WASHC3: variants seen among roughly 807,000 people sequenced by gnomAD.
WASHC3 encodes the protein WASH complex subunit 3, also known as WASH complex subunit CCDC53.
WASHC3 carries 24 observed loss-of-function variants against 26.1 expected under a neutral mutation model. The ratio of observed to expected loss-of-function variants is 0.92; its 90% confidence interval spans 0.66 to 1.29. The LOEUF (loss-of-function observed/expected upper bound fraction) is 1.29, where lower values mean the gene tolerates loss of function less well. Among genes scored for constraint, WASHC3 ranks in the 50% most tolerant of loss-of-function variants. WASHC3 has a pLI of 0.00. For synonymous variants in WASHC3, 77 were observed against 75.7 expected, an observed-to-expected ratio of 1.02 and a Z score of -0.09; for missense variants, 214 against 229.6, an observed-to-expected ratio of 0.93 and a Z score of 0.44.
At chr12:102,034,807 TGTGTGTGTGA>T (rs1221668736) in intron 5 of WASHC3, among the ~76,000 whole-genome samples, 2 of 151,794 alleles carry the variant, frequency 1.3e-5, no homozygotes, top group African/African-American at 2.4e-5. Context: ...TGTGTGTGTG[TGTGTGTGTGA>T]GTATGTAAAT....
intron 3 of WASHC3, 41 bp downstream of exon 3, chr12:102,046,013 C>T: frequency 1.7e-6 from 2 of 1,175,452 alleles, no homozygotes; most frequent in Non-Finnish European, 2.5e-6. Context: ...CTGGTATATG[C>T]ACAGCAAAGT....
intron 2 of WASHC3, chr12:102,050,669 T>A: frequency 2.3e-6 from 1 of 430,238 alleles, no homozygotes; most frequent in Non-Finnish European, 4.6e-6. Flanking sequence ...AAAAAAAAAT[T>A]ATTAAACAAA....
At chr12:102,026,254 A>G (rs962678609) in intron 5 of WASHC3, among the ~76,000 whole-genome samples, 1 of 152,130 alleles carries the variant, frequency 6.6e-6, no homozygotes. Flanking sequence ...ATAAGCCCAA[A>G]TTACATCATT....
chr12:102,046,185 C>A, intron 2 of WASHC3, 66 bp from the exon 3 acceptor site: 1 of 853,006 alleles, frequency 1.2e-6, no homozygotes, highest in Non-Finnish European at 1.9e-6. Context: ...TAACTAAGGG[C>A]AGATATGAAA....
chr12:102,043,568 C>T (rs1186727936), intron 4 of WASHC3: 1 of 152,116 alleles, frequency 6.6e-6, no homozygotes, highest in East Asian at 1.9e-4. Context: ...TGCACCTGGC[C>T]AATTATTGTT....
intron 6 of WASHC3, 145 bp from the exon 7 acceptor site, chr12:102,013,337 G>A (rs1460378987): frequency 1.0e-5 from 6 of 592,108 alleles, no homozygotes; most frequent in East Asian, 8.6e-5. Flanking sequence ...ACACCACAGC[G>A]TGCTTCTCTC....
intron 5 of WASHC3, among the ~76,000 whole-genome samples, chr12:102,034,154 C>T (rs998311918): frequency 6.6e-6 from 1 of 152,082 alleles, no homozygotes; most frequent in Non-Finnish European, 1.5e-5. Flanking sequence ...GCTTTTTTAT[C>T]TATATCCCCC....
intron 6 of WASHC3, among the ~76,000 whole-genome samples, chr12:102,014,075 C>CTTTTTTT (rs1189181874): frequency 1.8e-4 from 16 of 88,726 alleles, no homozygotes; most frequent in Admixed American, 2.9e-4. Context: ...ACTGCTACAT[C>CTTTTTTT]TTTTTTTTTT....
intron 5 of WASHC3, among the ~76,000 whole-genome samples, chr12:102,036,939 A>G (rs1430007001): frequency 6.6e-6 from 1 of 152,224 alleles, no homozygotes; most frequent in Admixed American, 6.5e-5. Context: ...TTTAAAAATA[A>G]AACAACTATT....
chr12:102,024,022 G>C (rs1259796214), intron 6 of WASHC3, among the ~76,000 whole-genome samples: 3 of 152,088 alleles, frequency 2.0e-5, no homozygotes, highest in Non-Finnish European at 4.4e-5. Flanking sequence ...TAATAGGTTA[G>C]CCAGGCCAGT....
chr12:102,038,510 A>G (rs927001106), intron 5 of WASHC3, among the ~76,000 whole-genome samples: 14 of 152,316 alleles, frequency 9.2e-5, no homozygotes, highest in Middle Eastern at 6.8e-3. Context: ...CTTTTGTTTA[A>G]AAGAGTGAAA....
At chr12:102,042,227 C>T (rs908805397) in intron 4 of WASHC3, among the ~76,000 whole-genome samples, 5 of 152,010 alleles carry the variant, frequency 3.3e-5, no homozygotes, top group African/African-American at 1.2e-4. Context: ...ATCTGGATAT[C>T]CTCTTGCACA....
intron 2 of WASHC3, among the ~76,000 whole-genome samples, chr12:102,058,722 A>C (rs1004028671): frequency 2.6e-5 from 4 of 152,176 alleles, no homozygotes; most frequent in African/African-American, 9.6e-5. Flanking sequence ...AAAGGATGTA[A>C]AATTAGTACA....
chr12:102,054,617 C>A (rs1565821691), intron 2 of WASHC3, among the ~76,000 whole-genome samples: 1 of 152,148 alleles, frequency 6.6e-6, no homozygotes, highest in African/African-American at 2.4e-5. Flanking sequence ...AATACACATT[C>A]TTCTCAAGGG....
intron 2 of WASHC3, among the ~76,000 whole-genome samples, chr12:102,056,706 G>T (rs571622571): frequency 1.3e-5 from 2 of 152,182 alleles, no homozygotes; most frequent in South Asian, 4.2e-4. Flanking sequence ...AACCTATCAA[G>T]ACTAAATCAT....
At position 102,046,137 on chromosome 12, in the gene WASHC3, G is replaced by T; in HGVS notation, c.151-18C>A. The T allele has an allele frequency of 6.9e-7, 1 of 1,439,816 alleles. No homozygotes were observed. The highest frequency in any genetic ancestry group is 1.2e-5 in the South Asian group (1 of 82,362). The allele number at this position is 1,439,816 out of a possible 1,614,324, so 89.2% of individuals were successfully genotyped here. The stretch of plus-strand genomic sequence containing the variant: ...GCCAGTTTCTGTAAAAGAAAAATTA[G>T]AGACATAAAGACTTTAATTAAAATA... On this transcript the variant is annotated intron_variant, in intron 2 of 6. Transcript: ENST00000240079.
At chr12:102,032,688 AAAAG>A (rs1435262435) in intron 5 of WASHC3, among the ~76,000 whole-genome samples, 1 of 152,132 alleles carries the variant, frequency 6.6e-6, no homozygotes, top group Admixed American at 6.5e-5. Context: ...TCATAAATCT[AAAAG>A]GAACTTCAGA....
intron 5 of WASHC3, among the ~76,000 whole-genome samples, chr12:102,033,223 T>C (rs938166968): frequency 1.3e-5 from 2 of 152,066 alleles, no homozygotes; most frequent in Non-Finnish European, 2.9e-5. Context: ...AGTCTTAAAA[T>C]CAGGAAAAAT....
At chr12:102,054,212 C>T (rs1446530956) in intron 2 of WASHC3, among the ~76,000 whole-genome samples, 2 of 152,060 alleles carry the variant, frequency 1.3e-5, no homozygotes, top group African/African-American at 2.4e-5. Flanking sequence ...TGAACAAAAT[C>T]GCAGCAGTAA....
Sources: gnomAD v4.1 joint callset for allele counts (sites outside exome capture counted in the v4.1 genomes callset) on GRCh38, gnomAD v4.1.1 for gene constraint, MANE v1.5 for transcripts, NCBI Gene and HGNC (gene_info 2026-07-23, HGNC 2026-07-21) for gene names.